HSPA12A: variants seen among roughly 807,000 people sequenced by gnomAD.
HSPA12A encodes heat shock protein family A (Hsp70) member 12A, also known as heat shock 70 kDa protein 12A.
In HSPA12A, 28 loss-of-function variants were observed where a neutral mutation model predicts 69.2. That is an observed-to-expected ratio of 0.40 (90% confidence interval 0.30 to 0.55). The LOEUF is 0.55. Ranked by LOEUF, HSPA12A falls within the 20% of genes least tolerant of loss-of-function variation. HSPA12A has a pLI of 0.38. For missense variants in HSPA12A, 686 were observed against 900.7 expected, an observed-to-expected ratio of 0.76 and a Z score of 3.05; for synonymous variants, 345 against 370.5, an observed-to-expected ratio of 0.93 and a Z score of 0.79.
intron 5 of HSPA12A, among the ~76,000 whole-genome samples, chr10:116,695,582 C>T (rs1430714353): frequency 2.0e-4 from 31 of 152,080 alleles, no homozygotes; most frequent in African/African-American, 5.1e-4. Context: ...TTTGGGAGGC[C>T]GAGGCGGGCG....
At chr10:116,692,529 T>C (rs1357082457) in intron 5 of HSPA12A, 62 bp from the exon 6 acceptor site, 4 of 1,350,196 alleles carry the variant, frequency 3.0e-6, no homozygotes, top group Non-Finnish European at 4.2e-6. Context: ...AGCAGCCTCC[T>C]GTGGCTTCAC....
chr10:116,751,072 GGAA>G (rs1477862234), intron 2 of HSPA12A: 6 of 153,946 alleles, frequency 3.9e-5, no homozygotes, highest in Admixed American at 6.6e-5. Context: ...AAGAGGAATA[GGAA>G]GAAGGAGGAG....
intron 2 of HSPA12A, among the ~76,000 whole-genome samples, chr10:116,821,349 C>T (rs1262297968): frequency 6.6e-6 from 1 of 152,156 alleles, no homozygotes; most frequent in East Asian, 1.9e-4. Context: ...GCCCTTCCTT[C>T]GGCCTGGGAT....
intron 1 of HSPA12A, among the ~76,000 whole-genome samples, chr10:116,740,699 T>C (rs923611141): frequency 3.1e-5 from 4 of 129,168 alleles, no homozygotes; most frequent in South Asian, 5.3e-4. Context: ...TGTGTGTGCG[T>C]GTGTGTGTGT....
chr10:116,826,621 T>C (rs1442033437), intron 2 of HSPA12A, among the ~76,000 whole-genome samples: 1 of 152,160 alleles, frequency 6.6e-6, no homozygotes, highest in Non-Finnish European at 1.5e-5. Context: ...ACAGTTCACA[T>C]ACACTGGAAA....
chr10:116,771,608 G>A (rs1023746858), intron 2 of HSPA12A, among the ~76,000 whole-genome samples: 22 of 152,224 alleles, frequency 1.4e-4, no homozygotes, highest in South Asian at 2.1e-4. Flanking sequence ...AGGATGGGAC[G>A]GCAATTGCGA....
intron 2 of HSPA12A, among the ~76,000 whole-genome samples, chr10:116,787,048 T>C (rs1340626785): frequency 1.3e-5 from 2 of 151,856 alleles, no homozygotes; most frequent in African/African-American, 4.8e-5. Context: ...GGTCAGATTC[T>C]GCTTTAATTG....
At chr10:116,841,559 A>T (rs1424335997) in intron 1 of HSPA12A, among the ~76,000 whole-genome samples, 1 of 152,210 alleles carries the variant, frequency 6.6e-6, no homozygotes, top group Non-Finnish European at 1.5e-5. Context: ...AATCTAACAT[A>T]TTAGAGATTC....
At chr10:116,842,257 A>C (rs1425718020) in intron 1 of HSPA12A, among the ~76,000 whole-genome samples, 1 of 152,216 alleles carries the variant, frequency 6.6e-6, no homozygotes, top group African/African-American at 2.4e-5. Flanking sequence ...AACCCAATCG[A>C]TATTTACAAG....
intron 2 of HSPA12A, among the ~76,000 whole-genome samples, chr10:116,789,009 G>A (rs1046512185): frequency 6.6e-6 from 1 of 151,896 alleles, no homozygotes; most frequent in Non-Finnish European, 1.5e-5. Flanking sequence ...GGGTCTATAG[G>A]CACCTGCCAC....
chr10:116,727,695 T>C (rs559616972), intron 1 of HSPA12A, among the ~76,000 whole-genome samples: 1 of 151,674 alleles, frequency 6.6e-6, no homozygotes, highest in South Asian at 2.1e-4. Flanking sequence ...AGATACTTTA[T>C]TATAAAATAG....
chr10:116,789,130 T>C (rs1844644998), intron 2 of HSPA12A, among the ~76,000 whole-genome samples: 2 of 152,206 alleles, frequency 1.3e-5, no homozygotes, highest in Non-Finnish European at 2.9e-5. Flanking sequence ...CCTCACAAAG[T>C]GCTGGGATTA....
chr10:116,689,496 C>G (rs1849673330), intron 6 of HSPA12A, among the ~76,000 whole-genome samples: 1 of 152,146 alleles, frequency 6.6e-6, no homozygotes, highest in Admixed American at 6.5e-5. Flanking sequence ...CTTTCACATA[C>G]ATGGGTGCCT....
chr10:116,737,894 A>T (rs1172634246), intron 1 of HSPA12A, among the ~76,000 whole-genome samples: 2 of 152,164 alleles, frequency 1.3e-5, no homozygotes, highest in East Asian at 3.9e-4. Context: ...GCAGGTTTCA[A>T]TTCTGAGCAC....
chr10:116,726,998 G>A (rs1589664829), intron 1 of HSPA12A, among the ~76,000 whole-genome samples: 1 of 152,048 alleles, frequency 6.6e-6, no homozygotes, highest in East Asian at 1.9e-4. Flanking sequence ...ATCTGCCCCC[G>A]TCAAAAAACT....
intron 8 of HSPA12A, 68 bp from the exon 9 acceptor site, chr10:116,681,324 G>T: frequency 1.6e-6 from 2 of 1,265,106 alleles, no homozygotes; most frequent in Non-Finnish European, 2.3e-6. Context: ...GCTTGTGGGT[G>T]GTAACTAGGT....
intron 2 of HSPA12A, among the ~76,000 whole-genome samples, chr10:116,767,338 C>T (rs563387430): frequency 6.4e-4 from 98 of 152,290 alleles, no homozygotes; most frequent in African/African-American, 2.3e-3. Flanking sequence ...GTTCATCCCC[C>T]TTCCTCCCAT....
chr10:116,749,574 C>A (rs538517195), intron 2 of HSPA12A, among the ~76,000 whole-genome samples: 1 of 152,220 alleles, frequency 6.6e-6, no homozygotes, highest in Admixed American at 6.5e-5. Flanking sequence ...CAGCTCCTAG[C>A]GCAGCACCTG....
rs537897484 is a variant in HSPA12A, at chr10:116,723,853, C to G, written c.41-16568G>C. 5.1e-4 allele frequency among the ~76,000 whole-genome samples: 78 copies of G among 152,318 alleles called. No individual in the cohort carries two copies. In the Middle Eastern group the frequency reaches 0.01, roughly 20 times the overall value. ...CAAAGAGAAGGGCTGTGCTTCCAGG[C>G]CCATCTACCATCTTGCCCGATGCCC... On this transcript the variant is annotated intron_variant, in intron 1 of 11. Transcript: ENST00000369209. This position sits in a 1 kb window ranked among gnomAD's most constrained non-coding sequence, Gnocchi z 4.1.
Sources: allele counts gnomAD v4.1 joint callset (sites outside exome capture counted in the v4.1 genomes callset), GRCh38; gene constraint gnomAD v4.1.1; non-coding constraint Gnocchi (gnomAD v3.1); transcripts MANE v1.5; gene names NCBI Gene and HGNC (gene_info 2026-07-23, HGNC 2026-07-21).